The following MSI2 variants were observed in gnomAD, a reference collection of about 807,000 sequenced individuals.
MSI2 encodes the protein musashi RNA binding protein 2.
In MSI2, 17 loss-of-function variants were observed where a neutral mutation model predicts 45.6. The ratio of observed to expected loss-of-function variants is 0.37; its 90% CI spans 0.26 to 0.56. The LOEUF is 0.56. Ranked by LOEUF, MSI2 falls within the 20% of genes least tolerant of loss-of-function variation. The pLI, the probability that MSI2 is intolerant of heterozygous loss-of-function variation, is 0.77. For synonymous variants in MSI2, 156 were observed against 158.2 expected, an observed-to-expected ratio of 0.99 and a Z score of 0.11; for missense variants, 293 against 444.2, an observed-to-expected ratio of 0.66 and a Z score of 3.06.
At chr17:57,504,668 C>T (rs868367071) in intron 6 of MSI2, among the ~76,000 whole-genome samples, 2 of 152,162 alleles carry the variant, frequency 1.3e-5, no homozygotes, top group Non-Finnish European at 2.9e-5. Flanking sequence ...CAGTGGCTCA[C>T]GCCTGTGATC....
At chr17:57,562,631 G>A (rs1328375263) in intron 7 of MSI2, among the ~76,000 whole-genome samples, 2 of 151,828 alleles carry the variant, frequency 1.3e-5, no homozygotes, top group Non-Finnish European at 2.9e-5. Flanking sequence ...AAAATACTAT[G>A]TTGGGAAAAA....
At chr17:57,507,364 G>A (rs1212405350) in intron 6 of MSI2, among the ~76,000 whole-genome samples, 1 of 151,970 alleles carries the variant, frequency 6.6e-6, no homozygotes, top group Non-Finnish European at 1.5e-5. Context: ...CAAAGTGGGA[G>A]TCTGTGTACT....
chr17:57,377,786 G>A (rs1017436855), intron 5 of MSI2, among the ~76,000 whole-genome samples: 2 of 151,948 alleles, frequency 1.3e-5, no homozygotes, highest in African/African-American at 4.8e-5. Flanking sequence ...CTTCAGAAGT[G>A]AAGGCATGGC....
intron 5 of MSI2, among the ~76,000 whole-genome samples, chr17:57,309,044 A>G (rs1232900883): frequency 2.0e-5 from 3 of 152,168 alleles, no homozygotes; most frequent in Admixed American, 6.5e-5. Flanking sequence ...CTCCTCAGCT[A>G]TTAGCTCATG....
intron 5 of MSI2, among the ~76,000 whole-genome samples, chr17:57,321,744 G>A (rs531144754): frequency 6.6e-6 from 1 of 152,272 alleles, no homozygotes; most frequent in South Asian, 2.1e-4. Flanking sequence ...TTGGGAAACA[G>A]CCTCCAAAGA....
chr17:57,382,725 C>T (rs2144034187), intron 5 of MSI2, among the ~76,000 whole-genome samples: 2 of 152,358 alleles, frequency 1.3e-5, no homozygotes, highest in Middle Eastern at 3.4e-3. Flanking sequence ...GTTATTACTT[C>T]TGTTCTTCCC....
chr17:57,591,032 C>T (rs1461360093), intron 7 of MSI2, among the ~76,000 whole-genome samples: 4 of 152,252 alleles, frequency 2.6e-5, no homozygotes, highest in Non-Finnish European at 2.9e-5. Context: ...CTAGAATCCT[C>T]ACTCTGTCAG....
intron 8 of MSI2, among the ~76,000 whole-genome samples, chr17:57,604,720 G>A (rs1906331289): frequency 6.6e-6 from 1 of 152,214 alleles, no homozygotes; most frequent in East Asian, 1.9e-4. Context: ...TTCTGGGGAA[G>A]GAAGGGCAGA....
intron 9 of MSI2, chr17:57,626,275 G>C (rs1393839831): frequency 6.6e-6 from 1 of 152,228 alleles, no homozygotes; most frequent in Admixed American, 6.5e-5. Context: ...CATATACACT[G>C]AGTGGAGGGA....
At chr17:57,373,209 C>T (rs962512082) in intron 5 of MSI2, among the ~76,000 whole-genome samples, 1 of 141,844 alleles carries the variant, frequency 7.1e-6, no homozygotes, top group Admixed American at 7.3e-5. Context: ...GAGATTGCGC[C>T]ACTGCACTCC....
At chr17:57,514,141 G>A (rs1407747081) in intron 6 of MSI2, among the ~76,000 whole-genome samples, 5 of 152,174 alleles carry the variant, frequency 3.3e-5, no homozygotes, top group South Asian at 2.1e-4. Context: ...GGAACAGGAC[G>A]TTGGCCCCTG....
intron 6 of MSI2, chr17:57,522,841 G>T (rs56947983): frequency 0.24 from 37,238 of 152,088 alleles, 4,819 homozygotes; most frequent in African/African-American, 0.32. Flanking sequence ...CAGCAACACT[G>T]CTCTTTAGCT....
At chr17:57,512,563 T>C (rs1291429302) in intron 6 of MSI2, among the ~76,000 whole-genome samples, 1 of 152,188 alleles carries the variant, frequency 6.6e-6, no homozygotes, top group African/African-American at 2.4e-5. Context: ...TGAACAGAAC[T>C]CAGAGGCCGC....
intron 6 of MSI2, among the ~76,000 whole-genome samples, chr17:57,505,510 C>G (rs1027112776): frequency 1.3e-5 from 2 of 152,164 alleles, no homozygotes; most frequent in African/African-American, 4.8e-5. Flanking sequence ...TCCAGACTTA[C>G]TGAACAAATT....
At chr17:57,324,806 C>T (rs530169940) in intron 5 of MSI2, among the ~76,000 whole-genome samples, 33 of 152,242 alleles carry the variant, frequency 2.2e-4, no homozygotes, top group African/African-American at 7.2e-4. Context: ...CCTCACTGAC[C>T]CACTGATTGC....
intron 7 of MSI2, among the ~76,000 whole-genome samples, chr17:57,586,270 G>T (rs551498268): frequency 1.3e-5 from 2 of 152,264 alleles, no homozygotes; most frequent in African/African-American, 2.4e-5. Flanking sequence ...CCCTGCAGCC[G>T]CAGGCACTTT....
At chr17:57,472,033 C>T (rs149101351) in intron 6 of MSI2, among the ~76,000 whole-genome samples, 2 of 152,292 alleles carry the variant, frequency 1.3e-5, no homozygotes, top group East Asian at 3.9e-4. Flanking sequence ...CAGCTTCTCT[C>T]TTGCTGTGGG....
At chr17:57,421,115 G>A (rs1025837151) in intron 6 of MSI2, among the ~76,000 whole-genome samples, 2 of 151,982 alleles carry the variant, frequency 1.3e-5, no homozygotes, top group East Asian at 1.9e-4. Context: ...ATCAATGGCT[G>A]TAATATTGGT....
intron 11 of MSI2, among the ~76,000 whole-genome samples, chr17:57,669,287 C>T (rs966010258): frequency 1.3e-5 from 2 of 152,222 alleles, no homozygotes; most frequent in African/African-American, 4.8e-5. Context: ...AAATTCAGAG[C>T]CCTCCAGTAA....
Sources: allele counts gnomAD v4.1 joint callset (sites outside exome capture counted in the v4.1 genomes callset), GRCh38; gene constraint gnomAD v4.1.1; transcripts MANE v1.5; gene names NCBI Gene and HGNC (gene_info 2026-07-23, HGNC 2026-07-21).